Variants in CFAP52 observed in about 807,000 individuals in gnomAD.
The protein encoded by CFAP52 is cilia and flagella associated protein 52.
In CFAP52, 57 loss-of-function variants were observed where a neutral mutation model predicts 70.5. The ratio of observed to expected loss-of-function variants is 0.81; its 90% CI spans 0.65 to 1.01. The LOEUF (loss-of-function observed/expected upper bound fraction) is 1.01, where lower values mean the gene tolerates loss of function less well. Ranked by LOEUF, CFAP52 falls within the 50% of genes least tolerant of loss-of-function variation. CFAP52 has a pLI of 0.00. For synonymous variants in CFAP52, 267 were observed against 292.5 expected, an observed-to-expected ratio of 0.91 and a Z score of 0.89; for missense variants, 785 against 788.5, an observed-to-expected ratio of 1.00 and a Z score of 0.05.
intron 11 of CFAP52, among the ~76,000 whole-genome samples, chr17:9,636,179 A>AAAAG (rs60584008): frequency 0.1 from 10,200 of 98,756 alleles, 930 homozygotes; most frequent in Non-Finnish European, 0.14. Context: ...TGTCTCAAAA[A>AAAAG]AAAGAAAGAA....
intron 6 of CFAP52, among the ~76,000 whole-genome samples, chr17:9,607,738 A>G (rs781069013): frequency 1.3e-5 from 2 of 152,154 alleles, no homozygotes; most frequent in Non-Finnish European, 2.9e-5. Flanking sequence ...TAAAAGTGTT[A>G]ATTTTTAAAA....
intron 8 of CFAP52, among the ~76,000 whole-genome samples, chr17:9,614,372 T>A (rs1909828476): frequency 6.6e-6 from 1 of 152,094 alleles, no homozygotes; most frequent in African/African-American, 2.4e-5. Flanking sequence ...GCCCAGCTGG[T>A]CGCGAGCTCC....
chr17:9,645,148 G>A (rs78787375), downstream of CFAP52: 1,979 of 153,148 alleles, frequency 0.013, 50 homozygotes, highest in African/African-American at 0.045. This position sits in a 1 kb window ranked among gnomAD's most constrained non-coding sequence, Gnocchi z 6.8. Context: ...CCCACACAGC[G>A]CCCAGCGCGC....
intron 1 of CFAP52, 21 bp from the exon 2 acceptor site, chr17:9,585,752 C>T (rs1466871223): frequency 6.2e-7 from 1 of 1,612,638 alleles, no homozygotes; most frequent in Admixed American, 1.7e-5. Context: ...ATTATTATTA[C>T]TGTGAATCTC....
In CFAP52 at chr17:9,585,976, A is replaced by T; in HGVS notation, c.270+4A>T. The stretch of plus-strand genomic sequence containing the variant: ...AGTCACATTCATGGGGTTCAAGGTG[A>T]ATACAGTGAAAACGACTCATTGTCA... On this transcript the variant is annotated splice_donor_region_variant and intron_variant, in intron 2 of 13. Transcript: ENST00000352665. 6.2e-7 allele frequency: 1 copy of T among 1,613,476 alleles called. No individual in the cohort carries two copies. The highest frequency in any genetic ancestry group is 8.5e-7 in the Non-Finnish European group (1 of 1,179,714).
chr17:9,604,240 A>G (rs1244542128), intron 6 of CFAP52, among the ~76,000 whole-genome samples: 1 of 152,214 alleles, frequency 6.6e-6, no homozygotes, highest in African/African-American at 2.4e-5. Flanking sequence ...GATAACTTTT[A>G]GCTATAATAC....
At chr17:9,607,143 C>T (rs370021939) in intron 6 of CFAP52, among the ~76,000 whole-genome samples, 222 of 152,226 alleles carry the variant, frequency 1.5e-3, no homozygotes, top group Non-Finnish European at 2.8e-3. Flanking sequence ...GTGAGGAGTT[C>T]GAGACCAGCC....
intron 3 of CFAP52, among the ~76,000 whole-genome samples, chr17:9,587,456 C>T (rs555071810): frequency 6.6e-6 from 1 of 152,310 alleles, no homozygotes; most frequent in South Asian, 2.1e-4. Flanking sequence ...CTGCTTTCCA[C>T]AATGGTTCAA....
At position 9,600,135 on chromosome 17, in the gene CFAP52, G is replaced by T. The variant is rs763538730; in HGVS notation, c.705G>T (p.Arg235Ser). 1.2e-6 allele frequency: 2 copies of T among 1,613,888 alleles called. No homozygotes were observed. The highest frequency in any genetic ancestry group is 3.3e-5 in the Admixed American group (2 of 60,008). Reference protein sequence around the residue: ...TTGDILKMNPRTKLLTDVGPA... With the variant: ...TTGDILKMNPSTKLLTDVGPA... ...GAGATATTCTAAAAATGAACCCCAG[G>T]ACTAAACTGCTGACAGATGTTGGGC... Residue 235 changes from arginine to serine, a missense_variant, in exon 6 of 14, where the codon AGG becomes AGT. Physicochemically the swap from Arg to Ser is moderately radical, Grantham distance 110 (BLOSUM62 -1). Coordinates refer to ENST00000352665, the MANE Select transcript of CFAP52 (RefSeq NM_145054.5).
intron 8 of CFAP52, among the ~76,000 whole-genome samples, chr17:9,623,610 T>C (rs1218110277): frequency 1.3e-5 from 2 of 152,214 alleles, no homozygotes; most frequent in Admixed American, 6.5e-5. Flanking sequence ...TCATTCTTTC[T>C]TATATATCTA....
chr17:9,582,833 C>T (rs28432152), intron 1 of CFAP52, among the ~76,000 whole-genome samples: 1,950 of 152,256 alleles, frequency 0.013, 47 homozygotes, highest in African/African-American at 0.045. Context: ...GACAGGGTTT[C>T]GCCATATTGG....
rs1911174570 is a variant in CFAP52 at position 9,643,309 on chromosome 17, A to C, written c.*111A>C. ...TCTCACAGCTCTGTTTTTGTTCTTG[A>C]GTCAATTTTTCTCTTTTTCTTTATA... On this transcript the variant is annotated 3_prime_UTR_variant, in exon 14 of 14. Coordinates refer to ENST00000352665, the MANE Select transcript of CFAP52 (RefSeq NM_145054.5). The C allele has an allele frequency of 9.8e-7, 1 of 1,019,724 alleles. No individual in the cohort carries two copies. Among genetic ancestry groups the C allele is most frequent in the African/African-American group, 1.7e-5 (1 of 60,550 alleles). 63.2% of individuals were successfully genotyped at this position (1,019,724 alleles called of 1,614,324 possible).
At chr17:9,605,939 T>G (rs1426678727) in intron 6 of CFAP52, among the ~76,000 whole-genome samples, 1 of 152,142 alleles carries the variant, frequency 6.6e-6, no homozygotes. Context: ...GTTTATTAGC[T>G]GTCATACATC....
At chr17:9,603,931 A>G (rs757660482) in intron 6 of CFAP52, among the ~76,000 whole-genome samples, 10 of 152,190 alleles carry the variant, frequency 6.6e-5, no homozygotes, top group Admixed American at 2.0e-4. Flanking sequence ...AGTAATCAAG[A>G]CAGTGTAGGG....
chr17:9,612,509 A>T (rs1463685146), intron 8 of CFAP52, 30 bp downstream of exon 8: 3 of 1,603,736 alleles, frequency 1.9e-6, no homozygotes, highest in African/African-American at 1.3e-5. Context: ...AAGAATGTGG[A>T]GATTTGATGC....
intron 4 of CFAP52, among the ~76,000 whole-genome samples, chr17:9,596,379 G>A (rs961780929): frequency 6.6e-6 from 1 of 151,838 alleles, no homozygotes; most frequent in Non-Finnish European, 1.5e-5. Context: ...AGGATTTATA[G>A]GCATCAGCCA....
At chr17:9,616,192 G>C (rs376215212) in intron 8 of CFAP52, among the ~76,000 whole-genome samples, 6 of 151,336 alleles carry the variant, frequency 4.0e-5, no homozygotes, top group Non-Finnish European at 7.4e-5. Context: ...CCTGGGAAGC[G>C]CAAGGGGTCA....
At chr17:9,581,346 A>G (rs967180691) in intron 1 of CFAP52, among the ~76,000 whole-genome samples, 1 of 152,222 alleles carries the variant, frequency 6.6e-6, no homozygotes, top group East Asian at 1.9e-4. Flanking sequence ...AATAATTTTT[A>G]AAATTATATT....
At chr17:9,610,000 A>T (rs1441427904) in intron 7 of CFAP52, among the ~76,000 whole-genome samples, 1 of 152,010 alleles carries the variant, frequency 6.6e-6, no homozygotes. Flanking sequence ...GGAGAGAGAG[A>T]GAGAGAGAGA....
Sources: gnomAD v4.1 joint callset for allele counts (sites outside exome capture counted in the v4.1 genomes callset) on GRCh38, gnomAD v4.1.1 for gene constraint, Gnocchi (gnomAD v3.1) non-coding constraint, MANE v1.5 for transcripts, NCBI Gene and HGNC (gene_info 2026-07-23, HGNC 2026-07-21) for gene names.